The following TAF6 variants were observed in gnomAD, a reference collection of about 807,000 sequenced individuals.
The protein encoded by TAF6 is TATA-box binding protein associated factor 6.
In TAF6, 50 loss-of-function variants were observed where a neutral mutation model predicts 73.5. That is an observed-to-expected ratio of 0.68 (90% CI 0.54 to 0.86). TAF6 has a LOEUF of 0.86. TAF6 is among the 40% of genes least tolerant of loss of function. The probability of loss-of-function intolerance (pLI) is 0.00; values close to 1 mark genes in which losing one functional copy is unlikely to be tolerated. For synonymous variants in TAF6, 424 were observed against 376.7 expected (o/e 1.13, Z -1.45); for missense variants, 768 against 899.5 (o/e 0.85, Z 1.87).
At chr7:100,110,904 C>T (rs2116769409) in intron 10 of TAF6, among the ~76,000 whole-genome samples, 1 of 151,812 alleles carries the variant, frequency 6.6e-6, no homozygotes, top group African/African-American at 2.4e-5. Context: ...ATCGCTTGAA[C>T]CCAGGAGGCA....
chr7:100,122,779 C>G (rs780169304), upstream of TAF6: 1 of 1,611,204 alleles, frequency 6.2e-7, no homozygotes, highest in South Asian at 1.1e-5. Flanking sequence ...TTCTTAATCT[C>G]TCAGGGTCAG....
upstream of TAF6, chr7:100,121,110 ATATATATTTTTTTTTTTTTTTT>A (rs1798038664): frequency 3.5e-5 from 1 of 28,374 alleles, no homozygotes; most frequent in South Asian, 1.3e-3. Context: ...ATATATATAT[ATATATATTTTTTTTTTTTTTTT>A]TTTTTTTTTT....
In TAF6 at chr7:100,113,850, C is replaced by G; in HGVS notation, c.243+18G>C. 4 of 1,611,422 alleles carry G rather than the reference C, an allele frequency of 2.5e-6. No individual in the cohort carries two copies. The highest frequency in any genetic ancestry group is 3.4e-6 in the Non-Finnish European group (4 of 1,178,982). On this transcript the variant is annotated intron_variant, in intron 3 of 14. Coordinates refer to ENST00000453269, the MANE Select transcript of TAF6 (RefSeq NM_139315.3). Reference sequence around the variant, plus strand: ...AGGATGGCGTCTCACCCCCCCCCCGCCTGTCTCCCCAAATCACCTCGACAT... The same window carrying G: ...AGGATGGCGTCTCACCCCCCCCCCGGCTGTCTCCCCAAATCACCTCGACAT...
At chr7:100,122,534 A>G (rs140098379), upstream of TAF6, 3 of 1,613,764 alleles carry the variant, frequency 1.9e-6, no homozygotes, top group African/African-American at 2.7e-5. Flanking sequence ...ATCCTGGACT[A>G]TAGTGTTCAC....
intron 12 of TAF6, chr7:100,108,999 G>A (rs183253927): frequency 6.6e-6 from 1 of 152,100 alleles, no homozygotes; most frequent in East Asian, 1.9e-4. Context: ...CTCCCGCTTG[G>A]GTGACAGAGT....
intron 13 of TAF6, 68 bp from the exon 14 acceptor site, chr7:100,108,191 C>T: frequency 6.7e-7 from 1 of 1,499,944 alleles, no homozygotes; most frequent in Non-Finnish European, 8.9e-7. Flanking sequence ...AGGGAGAGGC[C>T]TGGGCTCCCC....
chr7:100,108,663 T>C, intron 12 of TAF6, 123 bp from the exon 13 acceptor site: 2 of 1,124,066 alleles, frequency 1.8e-6, no homozygotes, highest in Non-Finnish European at 2.5e-6. Flanking sequence ...TTCCTTATCA[T>C]CTCAGTGCCC....
the TAF6 span, chr7:100,125,409 T>TG: frequency 1.9e-5 from 3 of 155,168 alleles, no homozygotes; most frequent in Non-Finnish European, 2.9e-5. Context: ...GATAGATACT[T>TG]GGTCTACTTA....
At chr7:100,125,038 C>G in the TAF6 span, 7 of 880,246 alleles carry the variant, frequency 8.0e-6, no homozygotes, top group African/African-American at 1.0e-4. Context: ...CAGGCAAGAT[C>G]CTGGTGAAAC....
rs771325786 is a variant in TAF6, at chr7:100,112,115, T to G, written c.713A>C (p.Lys238Thr). 13 of 1,613,638 alleles carry G rather than the reference T, an allele frequency of 8.1e-6. No homozygotes were observed. The highest frequency in any genetic ancestry group is 2.7e-5 in the African/African-American group (2 of 74,944). ...AGCTGGTGGGGCCCTCACCGCCCTC[T>G]TGGCCTCGCAGGAGCCCACGCAGGC... ...TEACVGSCEAKRAEALQSIAT... is the reference protein window; with the variant it reads ...TEACVGSCEATRAEALQSIAT... Residue 238 changes from lysine to threonine, a missense_variant, in exon 7 of 15, where the codon AAG becomes ACG. Physicochemically the swap from Lys to Thr is moderately conservative, Grantham distance 78. This residue lies in a region of TAF6 where 78 missense variants were observed against 153.4 expected (regional missense o/e 0.51). Transcript: ENST00000453269.
In TAF6 at chr7:100,109,947, C is replaced by T. The variant is rs755363135; in HGVS notation, c.1284+1G>A. The T allele has an allele frequency of 1.9e-6, 3 of 1,614,010 alleles. No individual in the cohort carries two copies. Among genetic ancestry groups the T allele is most frequent in the Non-Finnish European group, 2.5e-6 (3 of 1,179,950 alleles). On this transcript the variant is annotated splice_donor_variant, in intron 12 of 14. Transcript: ENST00000453269. LOFTEE classifies it high-confidence loss of function. ...GGTGTGGGGACAGGGGCTTCAGTCA[C>T]CAGCAGGAGGCTCTGCACATGGTCT...
chr7:100,120,127 C>T (rs1379673765), upstream of TAF6: 1 of 373,550 alleles, frequency 2.7e-6, no homozygotes, highest in African/African-American at 2.1e-5. Context: ...AGTTCAGGGA[C>T]CATCGGCCCG....
the TAF6 span, chr7:100,126,735 G>C: frequency 2.0e-5 from 3 of 152,468 alleles, no homozygotes; most frequent in Admixed American, 6.5e-5. Flanking sequence ...CATGAGCCCA[G>C]GAGGTTGAGG....
chr7:100,119,604 T>C, upstream of TAF6: 1 of 1,548,580 alleles, frequency 6.5e-7, no homozygotes, highest in Non-Finnish European at 8.7e-7. Flanking sequence ...GGCCCCACCC[T>C]TGTTGGGCTG....
At chr7:100,107,775 GCAGCTACAGCC>G in intron 14 of TAF6, 140 bp downstream of exon 14, 1 of 1,387,336 alleles carries the variant, frequency 7.2e-7, no homozygotes. Flanking sequence ...TTCATGCAGG[GCAGCTACAGCC>G]CTGCAGGACC....
At chr7:100,122,237 G>C (rs751993729), upstream of TAF6, 37 of 1,613,188 alleles carry the variant, frequency 2.3e-5, no homozygotes, top group East Asian at 4.9e-4. Context: ...ACCTCCCCCC[G>C]GACGTTTCTC....
chr7:100,114,322 G>A (rs1465622955), intron 1 of TAF6, 54 bp from the exon 2 acceptor site: 3 of 1,563,478 alleles, frequency 1.9e-6, no homozygotes, highest in East Asian at 2.3e-5. Flanking sequence ...CACAGGGAGA[G>A]GGCCAACAAA....
At chr7:100,112,956 A>G (rs773673628) in intron 5 of TAF6, 39 bp from the exon 6 acceptor site, 3 of 1,541,796 alleles carry the variant, frequency 1.9e-6, no homozygotes, top group African/African-American at 3.3e-5. Context: ...GGTGATGAGC[A>G]TAGTAGAAAA....
upstream of TAF6, chr7:100,124,661 C>A (rs1798165776): frequency 1.2e-6 from 2 of 1,611,128 alleles, no homozygotes; most frequent in Non-Finnish European, 1.7e-6. Flanking sequence ...TCCTCTCCTG[C>A]CAAGCCATAG....
Sources: gnomAD v4.1 joint callset for allele counts (sites outside exome capture counted in the v4.1 genomes callset) on GRCh38, gnomAD v4.1.1 for gene constraint, gnomAD v4.1.1 regional missense constraint, MANE v1.5 for transcripts, NCBI Gene and HGNC (gene_info 2026-07-23, HGNC 2026-07-21) for gene names.